Variants in ZNF350 observed in about 807,000 individuals in gnomAD.
ZNF350 encodes KRAB zinc finger protein ZFQR.
Under a neutral mutation model 13.1 loss-of-function variants are expected in ZNF350, and 5 were observed. The ratio of observed to expected loss-of-function variants is 0.38; its 90% confidence interval spans 0.20 to 0.80. The LOEUF is 0.80. Ranked by LOEUF, ZNF350 falls within the 30% of genes least tolerant of loss-of-function variation. The pLI is 0.43. For missense variants in ZNF350, 534 were observed against 644.2 expected (o/e 0.83, Z 1.85); for synonymous variants, 199 against 224.2 (o/e 0.89, Z 1.00).
chr19:51,983,158 C>T (rs548731942), intron 1 of ZNF350, among the ~76,000 whole-genome samples: 100 of 152,304 alleles, frequency 6.6e-4, no homozygotes, highest in Middle Eastern at 3.4e-3. Flanking sequence ...CTGTGCAGGA[C>T]GTGCTTTGTT....
chr19:51,964,967 C>T lies in ZNF350; in HGVS notation c.1486G>A (p.Ala496Thr), dbSNP rs1568473769. Residue 496 changes from alanine to threonine, a missense_variant, in exon 5 of 5, where the codon GCC becomes ACC. Coordinates refer to ENST00000243644, the MANE Select transcript of ZNF350 (RefSeq NM_021632.4). ...LVGQPVVRCAASGDNRGFAQD... is the reference protein window; with the variant it reads ...LVGQPVVRCATSGDNRGFAQD... ...GCAAATCCTCTGTTATCTCCTGAGG[C>T]TGCACATCTGACCACTGGCTGTCCC... The T allele has an allele frequency of 6.2e-7, 1 of 1,614,190 alleles. No homozygotes were observed. The highest frequency in any genetic ancestry group is 2.2e-5 in the East Asian group (1 of 44,884).
intron 2 of ZNF350, among the ~76,000 whole-genome samples, chr19:51,972,154 G>A (rs1211057062): frequency 1.5e-4 from 23 of 151,704 alleles, no homozygotes; most frequent in Admixed American, 1.5e-3. Flanking sequence ...GCAGAGTATG[G>A]GTCAGTAATA....
intron 1 of ZNF350, among the ~76,000 whole-genome samples, chr19:51,985,975 C>A (rs565249716): frequency 1.3e-5 from 2 of 152,090 alleles, no homozygotes; most frequent in East Asian, 3.9e-4. Flanking sequence ...CCATTGCACT[C>A]CAGTCTGGGA....
At chr19:51,984,193 A>G (rs905463473) in intron 1 of ZNF350, 2 of 152,042 alleles carry the variant, frequency 1.3e-5, no homozygotes, top group South Asian at 4.1e-4. Flanking sequence ...TTAAAAAAAA[A>G]AAAAAAAATC....
chr19:51,979,398 C>CCTAA (rs1480810636), intron 1 of ZNF350, among the ~76,000 whole-genome samples: 2 of 152,106 alleles, frequency 1.3e-5, no homozygotes, highest in African/African-American at 4.8e-5. Context: ...CTCCAGGACC[C>CCTAA]CTAACTCCCC....
At chr19:51,980,265 T>C (rs559884635) in intron 1 of ZNF350, among the ~76,000 whole-genome samples, 1 of 152,352 alleles carries the variant, frequency 6.6e-6, no homozygotes, top group Admixed American at 6.5e-5. Flanking sequence ...CCCTGGGCTA[T>C]GGATTCTTGT....
intron 2 of ZNF350, 42 bp downstream of exon 2, chr19:51,974,304 A>G: frequency 4.4e-6 from 7 of 1,609,114 alleles, no homozygotes; most frequent in Non-Finnish European, 5.9e-6. Context: ...CAAATCTATT[A>G]TGGAACAAAG....
Sources: allele counts gnomAD v4.1 joint callset (sites outside exome capture counted in the v4.1 genomes callset), GRCh38; gene constraint gnomAD v4.1.1; transcripts MANE v1.5; gene names NCBI Gene and HGNC (gene_info 2026-07-23, HGNC 2026-07-21).